The following PLCB1 variants were observed in gnomAD, a reference collection of about 807,000 sequenced individuals.
PLCB1 encodes the protein phospholipase C beta 1.
Under a neutral mutation model 161.8 loss-of-function variants are expected in PLCB1, and 46 were observed. The observed-to-expected ratio is 0.28, with a 90% CI of 0.22 to 0.36. The LOEUF is 0.36. PLCB1 is among the 10% of genes least tolerant of loss of function. PLCB1 has a pLI of 1.00. For missense variants in PLCB1, 1,016 were observed against 1,472.5 expected (o/e 0.69, Z 5.07); for synonymous variants, 517 against 503.7 (o/e 1.03, Z -0.35).
At chr20:8,542,445 G>A (rs939943672) in intron 3 of PLCB1, among the ~76,000 whole-genome samples, 2 of 152,156 alleles carry the variant, frequency 1.3e-5, no homozygotes, top group African/African-American at 2.4e-5. Flanking sequence ...AGTGACACAC[G>A]GGATATTATG....
chr20:8,845,950 C>G (rs1410210741), intron 31 of PLCB1, among the ~76,000 whole-genome samples: 2 of 152,220 alleles, frequency 1.3e-5, no homozygotes, highest in Non-Finnish European at 2.9e-5. Flanking sequence ...AGACACACAG[C>G]AGGGGCTATA....
At chr20:8,659,143 T>TA (rs2123324021) in intron 9 of PLCB1, among the ~76,000 whole-genome samples, 1 of 152,234 alleles carries the variant, frequency 6.6e-6, no homozygotes, top group Admixed American at 6.5e-5. Flanking sequence ...ATCTGATAAA[T>TA]ACTATCTGAT....
intron 31 of PLCB1, among the ~76,000 whole-genome samples, chr20:8,849,689 T>C (rs912133135): frequency 7.3e-6 from 1 of 136,942 alleles, no homozygotes; most frequent in African/African-American, 2.7e-5. Context: ...AAAATAAAAT[T>C]AAATTAAAAA....
intron 2 of PLCB1, among the ~76,000 whole-genome samples, chr20:8,187,380 A>G (rs374798633): frequency 6.6e-6 from 1 of 152,050 alleles, no homozygotes; most frequent in Non-Finnish European, 1.5e-5. Flanking sequence ...TCTCCTTCAC[A>G]TCAAATATCC....
intron 9 of PLCB1, among the ~76,000 whole-genome samples, chr20:8,675,556 C>T (rs1319136006): frequency 6.6e-6 from 1 of 152,266 alleles, no homozygotes; most frequent in East Asian, 1.9e-4. Context: ...AATACAAGAT[C>T]AAAGATAAGG....
chr20:8,720,846 ATTTT>A (rs35830060), intron 14 of PLCB1, among the ~76,000 whole-genome samples: 154 of 147,456 alleles, frequency 1.0e-3, no homozygotes, highest in African/African-American at 3.2e-3. Flanking sequence ...CCCCTCTCTG[ATTTT>A]TTTTTTTTAA....
At chr20:8,653,475 A>G (rs1287691105) in intron 7 of PLCB1, 1 of 152,000 alleles carries the variant, frequency 6.6e-6, no homozygotes, top group African/African-American at 2.4e-5. Context: ...TATTTCATGT[A>G]TTCCATGGCT....
intron 3 of PLCB1, among the ~76,000 whole-genome samples, chr20:8,552,122 T>G (rs1364897668): frequency 1.3e-5 from 2 of 152,196 alleles, no homozygotes; most frequent in Non-Finnish European, 2.9e-5. Flanking sequence ...CTTCCCATGA[T>G]TCAACAACTA....
chr20:8,873,679 G>A (rs1987682505), intron 31 of PLCB1, among the ~76,000 whole-genome samples: 1 of 151,984 alleles, frequency 6.6e-6, no homozygotes, highest in South Asian at 2.1e-4. Flanking sequence ...TATTATCACA[G>A]TATGTATACA....
chr20:8,247,876 G>C (rs773904375), intron 2 of PLCB1, among the ~76,000 whole-genome samples: 1 of 151,912 alleles, frequency 6.6e-6, no homozygotes, highest in Non-Finnish European at 1.5e-5. Flanking sequence ...TTACCCTTGG[G>C]TAAGAGCCAA....
At chr20:8,260,306 A>G (rs1158218860) in intron 2 of PLCB1, among the ~76,000 whole-genome samples, 1 of 150,844 alleles carries the variant, frequency 6.6e-6, no homozygotes, top group Non-Finnish European at 1.5e-5. Flanking sequence ...CTGGTCTCAA[A>G]CTCCTGGGCT....
intron 11 of PLCB1, among the ~76,000 whole-genome samples, chr20:8,700,564 G>C (rs1487730913): frequency 6.6e-6 from 1 of 152,218 alleles, no homozygotes; most frequent in African/African-American, 2.4e-5. Context: ...ACACTTGCCA[G>C]TGGGTGAGAG....
intron 2 of PLCB1, among the ~76,000 whole-genome samples, chr20:8,331,131 C>T (rs1264923793): frequency 6.6e-6 from 1 of 152,108 alleles, no homozygotes; most frequent in Non-Finnish European, 1.5e-5. Flanking sequence ...AACAAATAGA[C>T]AAAGGTCAAA....
At chr20:8,553,936 A>C (rs1392239251) in intron 3 of PLCB1, among the ~76,000 whole-genome samples, 1 of 152,064 alleles carries the variant, frequency 6.6e-6, no homozygotes, top group East Asian at 1.9e-4. Context: ...TAGCAAGCAG[A>C]GGTTGCAGTG....
At chr20:8,457,071 T>C (rs1394263219) in intron 3 of PLCB1, among the ~76,000 whole-genome samples, 1 of 152,228 alleles carries the variant, frequency 6.6e-6, no homozygotes, top group Non-Finnish European at 1.5e-5. Context: ...GGTAGTTATA[T>C]TTTTTAACCA....
chr20:8,150,457 T>C, intron 2 of PLCB1, 86 bp downstream of exon 2: 1 of 554,362 alleles, frequency 1.8e-6, no homozygotes, highest in Middle Eastern at 2.9e-4. Flanking sequence ...TAGAAGAACA[T>C]CCATTTCACA....
intron 3 of PLCB1, among the ~76,000 whole-genome samples, chr20:8,405,381 GAGTGGA>G (rs1238521616): frequency 1.3e-5 from 2 of 152,200 alleles, no homozygotes; most frequent in Non-Finnish European, 2.9e-5. Context: ...GTAAGAGACA[GAGTGGA>G]AACACACAAG....
chr20:8,349,941 T>G (rs149151961), intron 2 of PLCB1, among the ~76,000 whole-genome samples: 1 of 152,324 alleles, frequency 6.6e-6, no homozygotes, highest in East Asian at 1.9e-4. Flanking sequence ...TAGCATAATT[T>G]TCTATGGAGG....
At chr20:8,250,785 G>C (rs1280599497) in intron 2 of PLCB1, among the ~76,000 whole-genome samples, 1 of 151,942 alleles carries the variant, frequency 6.6e-6, no homozygotes, top group Non-Finnish European at 1.5e-5. Context: ...CTTTGAGGCT[G>C]TCGGTCTACA....
Sources: allele counts gnomAD v4.1 joint callset (sites outside exome capture counted in the v4.1 genomes callset), GRCh38; gene constraint gnomAD v4.1.1; transcripts MANE v1.5; gene names NCBI Gene and HGNC (gene_info 2026-07-23, HGNC 2026-07-21).